CFAP20DC: variants seen among roughly 807,000 people sequenced by gnomAD.
CFAP20DC encodes CFAP20 domain containing, also known as protein CFAP20DC.
CFAP20DC carries 84 observed loss-of-function variants against 101.7 expected under a neutral mutation model. The ratio of observed to expected loss-of-function variants is 0.83; its 90% CI spans 0.69 to 0.99. The LOEUF (loss-of-function observed/expected upper bound fraction) is 0.99, where lower values mean the gene tolerates loss of function less well. Ranked by LOEUF, CFAP20DC falls within the 50% of genes least tolerant of loss-of-function variation. CFAP20DC has a pLI of 0.00. For synonymous variants in CFAP20DC, 359 were observed against 351.2 expected (o/e 1.02, Z -0.25); for missense variants, 1,007 against 970.3 (o/e 1.04, Z -0.50).
intron 10 of CFAP20DC, 69 bp downstream of exon 10, chr3:58,867,748 C>A (rs766952629): frequency 8.9e-6 from 14 of 1,567,128 alleles, no homozygotes; most frequent in Middle Eastern, 3.7e-4. Context: ...AAATTTACAA[C>A]CTGCAGAGAG....
At chr3:58,805,716 C>A (rs1015938151) in intron 15 of CFAP20DC, among the ~76,000 whole-genome samples, 1 of 152,128 alleles carries the variant, frequency 6.6e-6, no homozygotes, top group African/African-American at 2.4e-5. Context: ...TATGGATAAA[C>A]TAGCTTATAT....
chr3:59,041,534 GA>G (rs1175518494), intron 3 of CFAP20DC, among the ~76,000 whole-genome samples: 1 of 151,936 alleles, frequency 6.6e-6, no homozygotes, highest in East Asian at 1.9e-4. Context: ...TATTTAAACT[GA>G]CTATTCATGT....
intron 6 of CFAP20DC, among the ~76,000 whole-genome samples, chr3:58,890,767 C>CTGCAATCTCGGCACTTTGGGAGGCCAA (rs1487915181): frequency 6.7e-6 from 1 of 149,184 alleles, no homozygotes. Context: ...CGGGCAGAGG[C>CTGCAATCTCGGCACTTTGGGAGGCCAA]GCTCCTCACA....
At position 58,869,572 on chromosome 3, in the gene CFAP20DC, T is replaced by G; in HGVS notation, c.853-82A>C. ...AGAAGCTATATAGAAAACATAATAT[T>G]TGGACCAATGAAGAGTGAGAAAAAA... is the stretch of plus-strand genomic sequence containing the variant. On this transcript the variant is annotated intron_variant, in intron 8 of 16. Transcript: ENST00000482387. The surrounding 1 kb of genome is among the most constrained non-coding windows in gnomAD (Gnocchi z 4.3). 8.7e-7 allele frequency: 1 copy of G among 1,150,906 alleles called. No homozygotes were observed. Among genetic ancestry groups the G allele is most frequent in the African/African-American group, 1.6e-5 (1 of 63,630 alleles). 71.3% of individuals were successfully genotyped at this position (1,150,906 alleles called of 1,614,324 possible).
At chr3:58,849,625 T>C (rs956309698) in intron 12 of CFAP20DC, among the ~76,000 whole-genome samples, 1 of 152,164 alleles carries the variant, frequency 6.6e-6, no homozygotes, top group African/African-American at 2.4e-5. Context: ...CTATACGGTA[T>C]TTGGTCTGGA....
At chr3:58,887,129 G>A (rs1196325378) in intron 6 of CFAP20DC, among the ~76,000 whole-genome samples, 1 of 152,140 alleles carries the variant, frequency 6.6e-6, no homozygotes, top group Non-Finnish European at 1.5e-5. Flanking sequence ...ATTTCTAAAT[G>A]TCCTAATGCT....
chr3:58,935,754 T>C lies in CFAP20DC; in HGVS notation c.393+1894A>G, dbSNP rs373069747. Among the ~76,000 whole-genome samples, 117 of 152,214 alleles carry C rather than the reference T, an allele frequency of 7.7e-4. No homozygotes were observed. The East Asian group carries it at 0.017, about 22-fold the overall frequency. ...GCTGAAACTGGATCCCTTCCTTACA[T>C]CTTATACAAAAATTAATTCAAGGTG... On this transcript the variant is annotated intron_variant, in intron 5 of 16. Transcript: ENST00000482387.
chr3:58,763,591 T>C (rs1035789781), intron 15 of CFAP20DC, among the ~76,000 whole-genome samples: 1 of 152,222 alleles, frequency 6.6e-6, no homozygotes, highest in Non-Finnish European at 1.5e-5. Context: ...GAAGCTGCAT[T>C]CCTTTAGAGG....
At chr3:58,948,302 A>G (rs2089628582) in intron 4 of CFAP20DC, among the ~76,000 whole-genome samples, 2 of 152,228 alleles carry the variant, frequency 1.3e-5, no homozygotes, top group Admixed American at 1.3e-4. Flanking sequence ...CTGAAATTAT[A>G]TTCATCTATC....
downstream of CFAP20DC, among the ~76,000 whole-genome samples, chr3:58,739,930 C>T (rs921791919): frequency 6.6e-6 from 1 of 152,218 alleles, no homozygotes; most frequent in African/African-American, 2.4e-5. Flanking sequence ...GTGGTAGACA[C>T]CTTTAGAATG....
rs1208227166 is a variant in CFAP20DC at position 59,050,018 on chromosome 3, C to G, written c.-387G>C. The G allele has an allele frequency of 4.6e-6, 1 of 218,764 alleles. No homozygotes were observed. The highest frequency in any genetic ancestry group is 1.1e-4 in the East Asian group (1 of 8,878). The allele number at this position is 218,764 out of a possible 1,614,324, so 13.6% of individuals were successfully genotyped here. ...GGCGCGCTCCCGCTGCCGCCCCACC[C>G]CAGAATCAAACCGCGAAAGAGCAGC... On this transcript the variant is annotated 5_prime_UTR_variant, in exon 1 of 17. Transcript: ENST00000482387.
intron 12 of CFAP20DC, among the ~76,000 whole-genome samples, chr3:58,853,938 CCT>C (rs1451214578): frequency 2.6e-5 from 4 of 151,536 alleles, no homozygotes; most frequent in African/African-American, 9.7e-5. Flanking sequence ...ACAGGGATGC[CCT>C]CTCTCACCAC....
chr3:58,852,842 G>A (rs547331154), intron 12 of CFAP20DC, among the ~76,000 whole-genome samples: 1 of 151,020 alleles, frequency 6.6e-6, no homozygotes, highest in African/African-American at 2.4e-5. Context: ...GCAGTGTGTA[G>A]AGGGAAATTT....
intron 5 of CFAP20DC, among the ~76,000 whole-genome samples, chr3:58,924,170 C>T (rs1319482042): frequency 1.3e-5 from 2 of 152,068 alleles, no homozygotes; most frequent in Non-Finnish European, 2.9e-5. Context: ...TTCTAGTGTG[C>T]CCATCACCTA....
At chr3:58,961,281 C>T (rs1168786719) in intron 4 of CFAP20DC, among the ~76,000 whole-genome samples, 3 of 152,196 alleles carry the variant, frequency 2.0e-5, no homozygotes, top group Middle Eastern at 3.4e-3. Flanking sequence ...TGGCCAGGTG[C>T]GGTGGCTCAC....
rs561354847 is a variant in CFAP20DC, at chr3:58,831,193, C to T, written c.2175+493G>A. ...GGAATATAAGCTTCTGAAGCATCCA[C>T]AGTGCCTATCGTAGCCCATCAGACA... On this transcript the variant is annotated intron_variant, in intron 14 of 16. Transcript: ENST00000482387. 2.0e-5 allele frequency among the ~76,000 whole-genome samples: 3 copies of T among 152,354 alleles called. No homozygotes were observed. The East Asian group carries it at 5.8e-4, about 29-fold the overall frequency.
At chr3:58,876,953 A>G (rs982244940) in intron 7 of CFAP20DC, among the ~76,000 whole-genome samples, 30 of 152,238 alleles carry the variant, frequency 2.0e-4, no homozygotes, top group African/African-American at 6.5e-4. Context: ...ATTTTAGAAA[A>G]GGTACTTAAC....
At chr3:58,789,648 T>C (rs911778837) in intron 15 of CFAP20DC, among the ~76,000 whole-genome samples, 4 of 152,180 alleles carry the variant, frequency 2.6e-5, no homozygotes, top group Non-Finnish European at 5.9e-5. Flanking sequence ...TTTCAGGGTG[T>C]GTTAATTGTA....
intron 14 of CFAP20DC, among the ~76,000 whole-genome samples, chr3:58,817,438 T>C (rs1297702556): frequency 6.8e-6 from 1 of 148,132 alleles, no homozygotes; most frequent in Non-Finnish European, 1.5e-5. Context: ...TACAGAGAAG[T>C]GCTTAAAGGA....
Sources: gnomAD v4.1 joint callset for allele counts (sites outside exome capture counted in the v4.1 genomes callset) on GRCh38, gnomAD v4.1.1 for gene constraint, Gnocchi (gnomAD v3.1) non-coding constraint, MANE v1.5 for transcripts, NCBI Gene and HGNC (gene_info 2026-07-23, HGNC 2026-07-21) for gene names.